Variants in AFDN observed in about 807,000 individuals in gnomAD.
The protein encoded by AFDN is afadin.
A neutral mutation model predicts 216.6 loss-of-function variants in AFDN; 68 were observed. The ratio of observed to expected loss-of-function variants is 0.31; its 90% CI spans 0.26 to 0.38. AFDN has a LOEUF of 0.38. Ranked by LOEUF, AFDN falls within the 10% of genes least tolerant of loss-of-function variation. The probability of loss-of-function intolerance (pLI) is 1.00; values close to 1 mark genes in which losing one functional copy is unlikely to be tolerated. For missense variants in AFDN, 2,136 were observed against 2,342.0 expected (o/e 0.91, Z 1.82); for synonymous variants, 868 against 853.7 (o/e 1.02, Z -0.29).
chr6:167,918,635 A>T, intron 20 of AFDN, 100 bp from the exon 21 acceptor site: 1 of 1,017,022 alleles, frequency 9.8e-7, no homozygotes. Flanking sequence ...TCTGTGAGAT[A>T]AGCTGTGCTG....
At chr6:167,943,580 A>G (rs1794940942) in intron 25 of AFDN, 105 bp downstream of exon 25, 5 of 876,202 alleles carry the variant, frequency 5.7e-6, no homozygotes, top group African/African-American at 1.7e-5. Flanking sequence ...ACGTGCTCAT[A>G]TTACTCTTTA....
chr6:167,845,203 T>G (rs992274175), intron 1 of AFDN, among the ~76,000 whole-genome samples: 5 of 152,188 alleles, frequency 3.3e-5, no homozygotes, highest in Non-Finnish European at 5.9e-5. Flanking sequence ...TTATTTTCTT[T>G]CTATGTGAAG....
chr6:167,943,257 A>C, intron 24 of AFDN, 63 bp downstream of exon 24: 1 of 1,502,866 alleles, frequency 6.7e-7, no homozygotes, highest in Non-Finnish European at 9.2e-7. Context: ...ATGATGTGAG[A>C]GATTCTGCTG....
chr6:167,889,518 C>T (rs1328319568), intron 7 of AFDN, among the ~76,000 whole-genome samples, 192 bp downstream of exon 7: 4 of 152,198 alleles, frequency 2.6e-5, no homozygotes, highest in African/African-American at 9.7e-5. Flanking sequence ...ACTGCAAGCT[C>T]CACCTCCCGG....
At chr6:167,885,105 A>T (rs921120318) in intron 6 of AFDN, among the ~76,000 whole-genome samples, 11 of 152,158 alleles carry the variant, frequency 7.2e-5, no homozygotes, top group Admixed American at 4.6e-4. Flanking sequence ...CACCTCTCTC[A>T]GCCTTCATAG....
intron 5 of AFDN, among the ~76,000 whole-genome samples, chr6:167,876,704 A>G (rs1785428797): frequency 6.6e-6 from 1 of 152,200 alleles, no homozygotes; most frequent in Admixed American, 6.5e-5. Flanking sequence ...CAATTTTTAT[A>G]TCTAACTTTA....
rs1245165524 is a variant in AFDN, at chr6:167,943,447, C to T, written c.3211C>T (p.Arg1071Ter). The T allele has an allele frequency of 6.2e-7, 1 of 1,614,064 alleles. No individual in the cohort carries two copies. The change falls in exon 25 of 34, where the codon CGA becomes TGA. Residue 1071 changes from arginine (R) to a stop codon, truncating the protein, a stop_gained. Coordinates refer to ENST00000683244, the MANE Select transcript of AFDN (RefSeq NM_001386888.1). LOFTEE classifies it high-confidence loss of function. ...TGATCAGCTCCTCAGTGTGGATGGA[C>T]GAAGTCTGGTTGGACTCTCTCAGGA... ...AGDQLLSVDG[R>*]SLVGLSQERA...
chr6:167,860,062 A>G (rs1469426900), intron 1 of AFDN, among the ~76,000 whole-genome samples: 1 of 151,378 alleles, frequency 6.6e-6, no homozygotes, highest in Non-Finnish European at 1.5e-5. Context: ...GATCATAGGC[A>G]GTTATTATCT....
At position 167,969,193 on chromosome 6, in the gene AFDN, T is replaced by C; in HGVS notation, c.5337T>C (p.Ser1779=). ...DACRDAKEKR[S]KSQDADSPGS... ...GTCGGGATGCAAAAGAGAAGCGCTC[T>C]AAAAGGTATGGACGGTTGCACTAGA... Residue 1779 remains serine, a synonymous_variant, in exon 33 of 34, where the codon TCT becomes TCC. Coordinates refer to ENST00000683244, the MANE Select transcript of AFDN (RefSeq NM_001386888.1). 6.2e-7 allele frequency: 1 copy of C among 1,613,184 alleles called. No individual in the cohort carries two copies. Among genetic ancestry groups the C allele is most frequent in the Non-Finnish European group, 8.5e-7 (1 of 1,179,164 alleles).
In AFDN at chr6:167,902,376, C is replaced by T. The variant is rs749933169; in HGVS notation, c.1640C>T (p.Pro547Leu). 6.2e-6 allele frequency: 10 copies of T among 1,611,474 alleles called. No individual in the cohort carries two copies. Among genetic ancestry groups the T allele is most frequent in the East Asian group, 4.5e-5 (2 of 44,766 alleles). The change falls in exon 12 of 34, where the codon CCG (proline) becomes CTG (leucine). Residue 547 changes from proline to leucine, a missense_variant. Transcript: ENST00000683244. ...GATATTCATAGTGGGACAGCATTAC[C>T]GACAAGCAAGGTAGGTAATTATGGA... ...GGDIHSGTAL[P>L]TSKSTTRLDS... is the part of the protein sequence containing the mutation.
intron 1 of AFDN, among the ~76,000 whole-genome samples, chr6:167,858,278 T>A (rs945171922): frequency 6.6e-6 from 1 of 152,192 alleles, no homozygotes; most frequent in Admixed American, 6.5e-5. Flanking sequence ...AAGTAGATAA[T>A]GTTGGCAGTT....
At position 167,970,295 on chromosome 6, in the gene AFDN, G is replaced by C. The variant is rs1024863076; in HGVS notation, c.*360G>C. ...TCCCATCTTCCCCTCATCATCGACC[G>C]AGGAGCACAAAGAAGTTCTGTTTCT... On this transcript the variant is annotated 3_prime_UTR_variant, in exon 34 of 34. Coordinates refer to ENST00000683244, the MANE Select transcript of AFDN (RefSeq NM_001386888.1). 1 of 271,234 alleles carries C rather than the reference G, an allele frequency of 3.7e-6. No individual in the cohort carries two copies. Among genetic ancestry groups the C allele is most frequent in the East Asian group, 6.1e-5 (1 of 16,368 alleles). 16.8% of individuals were successfully genotyped at this position (271,234 alleles called of 1,614,324 possible). A position where few individuals can be genotyped will look rare whatever the true frequency, so the allele number is the denominator to read the frequency against.
At chr6:167,837,241 A>G (rs1177406282) in intron 1 of AFDN, among the ~76,000 whole-genome samples, 5 of 152,188 alleles carry the variant, frequency 3.3e-5, no homozygotes, top group South Asian at 2.1e-4. Context: ...TTGCTTCACT[A>G]TAGTAAGATA....
rs763317090 is a variant in AFDN at position 167,880,340 on chromosome 6, A to G, written c.740-20A>G. 5.6e-6 allele frequency: 9 copies of G among 1,607,808 alleles called. No homozygotes were observed. In the South Asian group the frequency reaches 6.7e-5, roughly 12 times the overall value. The stretch of plus-strand genomic sequence containing the variant: ...GGCATAAAGTAAGTTGTACTCAAAG[A>G]TGTCAAAATGTTTTTTCAGGTGGAA... On this transcript the variant is annotated intron_variant, in intron 5 of 33. Coordinates refer to ENST00000683244, the MANE Select transcript of AFDN (RefSeq NM_001386888.1).
intron 31 of AFDN, chr6:167,964,721 T>G (rs1389245092): frequency 9.4e-7 from 1 of 1,064,414 alleles, no homozygotes; most frequent in Non-Finnish European, 1.1e-6. Flanking sequence ...ACTAACAACT[T>G]TTCACTGAAT....
intron 6 of AFDN, 42 bp from the exon 7 acceptor site, chr6:167,889,173 T>C: frequency 7.5e-7 from 1 of 1,334,160 alleles, no homozygotes; most frequent in Non-Finnish European, 1.1e-6. Context: ...GTTAACTTAG[T>C]TACTTTGGCA....
intron 23 of AFDN, among the ~76,000 whole-genome samples, chr6:167,939,324 G>C (rs1415999039): frequency 6.6e-6 from 1 of 152,198 alleles, no homozygotes; most frequent in Admixed American, 6.5e-5. Flanking sequence ...CTCACTGACA[G>C]TTGGCATTCT....
intron 1 of AFDN, among the ~76,000 whole-genome samples, chr6:167,850,183 G>C (rs1471331131): frequency 6.6e-6 from 1 of 152,178 alleles, no homozygotes; most frequent in Non-Finnish European, 1.5e-5. Context: ...TTATAAGGCA[G>C]TAATAGTCAT....
chr6:167,844,862 T>G (rs940579844), intron 1 of AFDN, among the ~76,000 whole-genome samples: 5 of 145,784 alleles, frequency 3.4e-5, no homozygotes, highest in African/African-American at 5.1e-5. Context: ...TTTTTTTTTT[T>G]TTTTTTTTGG....
Sources: gnomAD v4.1 joint callset for allele counts (sites outside exome capture counted in the v4.1 genomes callset) on GRCh38, gnomAD v4.1.1 for gene constraint, MANE v1.5 for transcripts, NCBI Gene and HGNC (gene_info 2026-07-23, HGNC 2026-07-21) for gene names.